CDH19: variants seen among roughly 807,000 people sequenced by gnomAD.
CDH19 encodes cadherin 19, also known as cadherin-19.
CDH19 carries 67 observed loss-of-function variants against 64.2 expected under a neutral mutation model. That is an observed-to-expected ratio of 1.04 (90% CI 0.86 to 1.28). The LOEUF is 1.28. Among genes scored for constraint, CDH19 ranks in the 50% most tolerant of loss-of-function variants. CDH19 has a pLI of 0.00. For missense variants in CDH19, 1,030 were observed against 929.0 expected (o/e 1.11, Z -1.41); for synonymous variants, 346 against 319.3 (o/e 1.08, Z -0.89).
chr18:66,523,450 T>C (rs1199561691), intron 9 of CDH19, among the ~76,000 whole-genome samples: 1 of 152,118 alleles, frequency 6.6e-6, no homozygotes. Context: ...GCATACCCTA[T>C]GGAAGATGTT....
At chr18:66,538,095 C>A (rs1325835180) in intron 7 of CDH19, among the ~76,000 whole-genome samples, 2 of 152,042 alleles carry the variant, frequency 1.3e-5, no homozygotes, top group Non-Finnish European at 2.9e-5. Flanking sequence ...AGTAACACTG[C>A]AATCCCTAAA....
chr18:66,560,598 T>C (rs1416421452), intron 3 of CDH19, among the ~76,000 whole-genome samples: 2 of 152,092 alleles, frequency 1.3e-5, no homozygotes, highest in African/African-American at 4.8e-5. Context: ...ATAATATTTA[T>C]GGAAAACATA....
At chr18:66,603,114 A>T (rs1989077487) in intron 1 of CDH19, among the ~76,000 whole-genome samples, 1 of 150,784 alleles carries the variant, frequency 6.6e-6, no homozygotes, top group Non-Finnish European at 1.5e-5. Context: ...TAATCTAAAG[A>T]AAACCTTTGC....
chr18:66,522,067 C>T (rs1333762019), intron 9 of CDH19, among the ~76,000 whole-genome samples: 1 of 151,594 alleles, frequency 6.6e-6, no homozygotes, highest in Non-Finnish European at 1.5e-5. Flanking sequence ...CTGCCTCAGC[C>T]TCCTGAATAG....
Position 66,572,146 on chromosome 18 carries a change from A to G in CDH19, c.59T>C (p.Leu20Pro). ...TGTTTGAGAGTTTTCTGTTGCTCCA[A>G]GACAAGGCCATAGGAGAGGAATTCC... ...MLGIPLLWPC[L>P]GATENSQTKK... Residue 20 changes from leucine (L) to proline (P), a missense_variant, in exon 2 of 12, where the codon CTT becomes CCT. Physicochemically the swap from Leu to Pro is moderately conservative, Grantham distance 98. Coordinates refer to ENST00000262150, the MANE Select transcript of CDH19 (RefSeq NM_021153.4). 2 of 1,611,564 alleles carry G rather than the reference A, an allele frequency of 1.2e-6. No individual in the cohort carries two copies. The highest frequency in any genetic ancestry group is 1.7e-6 in the Non-Finnish European group (2 of 1,178,392).
intron 5 of CDH19, among the ~76,000 whole-genome samples, chr18:66,546,497 C>G (rs1296377217): frequency 1.3e-5 from 2 of 152,088 alleles, no homozygotes; most frequent in African/African-American, 2.4e-5. Context: ...ATATTTTCTT[C>G]AGTCAATATT....
chr18:66,509,973 G>A (rs1985393203), intron 10 of CDH19, among the ~76,000 whole-genome samples: 1 of 151,852 alleles, frequency 6.6e-6, no homozygotes, highest in African/African-American at 2.4e-5. Context: ...AAAAATTCAT[G>A]AAAACAAACA....
At chr18:66,583,307 G>C (rs1197789804) in intron 1 of CDH19, among the ~76,000 whole-genome samples, 1 of 152,028 alleles carries the variant, frequency 6.6e-6, no homozygotes, top group Non-Finnish European at 1.5e-5. Flanking sequence ...GGGTTCGTGT[G>C]AGAAAAATAG....
At chr18:66,564,034 T>G (rs560941550) in intron 3 of CDH19, among the ~76,000 whole-genome samples, 1 of 152,014 alleles carries the variant, frequency 6.6e-6, no homozygotes, top group East Asian at 1.9e-4. Context: ...GCAAGAGATT[T>G]ATAGAATCTA....
At chr18:66,586,923 T>C (rs1351685723) in intron 1 of CDH19, among the ~76,000 whole-genome samples, 1 of 152,142 alleles carries the variant, frequency 6.6e-6, no homozygotes, top group African/African-American at 2.4e-5. Flanking sequence ...TAATCTATTT[T>C]TATCTTATAT....
chr18:66,539,709 G>C (rs1307531827), intron 7 of CDH19, among the ~76,000 whole-genome samples: 1 of 151,980 alleles, frequency 6.6e-6, no homozygotes, highest in Admixed American at 6.6e-5. Context: ...GAGGGATATT[G>C]ATCTGTAGTT....
chr18:66,527,389 A>G (rs989241599), intron 9 of CDH19, among the ~76,000 whole-genome samples: 1 of 152,064 alleles, frequency 6.6e-6, no homozygotes, highest in Non-Finnish European at 1.5e-5. Context: ...ATATATAACT[A>G]TGGAATAAAA....
intron 1 of CDH19, among the ~76,000 whole-genome samples, chr18:66,580,306 C>T (rs1555691800): frequency 6.6e-6 from 1 of 151,766 alleles, no homozygotes. Context: ...CTATTTTATA[C>T]CTAGAGAAAT....
intron 7 of CDH19, among the ~76,000 whole-genome samples, chr18:66,538,326 A>AT (rs978090606): frequency 2.0e-5 from 3 of 151,966 alleles, no homozygotes; most frequent in East Asian, 3.9e-4. Flanking sequence ...GTCCTATTTG[A>AT]TTTTTTTCCA....
intron 1 of CDH19, among the ~76,000 whole-genome samples, chr18:66,572,678 A>G (rs1599026734): frequency 6.6e-6 from 1 of 151,662 alleles, no homozygotes; most frequent in East Asian, 1.9e-4. Flanking sequence ...ATCTCATTAA[A>G]GCAACAGTCA....
chr18:66,542,467 A>G (rs1334403615), intron 7 of CDH19, among the ~76,000 whole-genome samples: 1 of 152,202 alleles, frequency 6.6e-6, no homozygotes, highest in African/African-American at 2.4e-5. Flanking sequence ...CAACCAGACT[A>G]TACCTCAACT....
At chr18:66,515,847 G>T (rs1210173299) in intron 9 of CDH19, among the ~76,000 whole-genome samples, 2 of 151,680 alleles carry the variant, frequency 1.3e-5, no homozygotes, top group African/African-American at 4.8e-5. Context: ...CATTTAAAAT[G>T]TATTTCATTA....
chr18:66,579,005 G>A (rs888116924), intron 1 of CDH19, among the ~76,000 whole-genome samples: 1 of 151,948 alleles, frequency 6.6e-6, no homozygotes, highest in Non-Finnish European at 1.5e-5. Flanking sequence ...AGGAGGGAAG[G>A]ATGATGAAGG....
At chr18:66,555,750 T>A (rs963909888) in intron 3 of CDH19, among the ~76,000 whole-genome samples, 4 of 151,772 alleles carry the variant, frequency 2.6e-5, no homozygotes, top group African/African-American at 9.7e-5. Context: ...AACAAAATAG[T>A]TAACAGGGAC....
Sources: gnomAD v4.1 joint callset for allele counts (sites outside exome capture counted in the v4.1 genomes callset) on GRCh38, gnomAD v4.1.1 for gene constraint, MANE v1.5 for transcripts, NCBI Gene and HGNC (gene_info 2026-07-23, HGNC 2026-07-21) for gene names.